Variants in TMEM165 observed in about 807,000 individuals in gnomAD.
The protein encoded by TMEM165 is transmembrane protein 165.
A neutral mutation model predicts 30.0 loss-of-function variants in TMEM165; 19 were observed. That is an observed-to-expected ratio of 0.63 (90% confidence interval 0.44 to 0.93). The LOEUF (loss-of-function observed/expected upper bound fraction) is 0.93, where lower values mean the gene tolerates loss of function less well. Ranked by LOEUF, TMEM165 falls within the 40% of genes least tolerant of loss-of-function variation. The pLI, the probability that TMEM165 is intolerant of heterozygous loss-of-function variation, is 0.00. For missense variants in TMEM165, 340 were observed against 417.0 expected, an observed-to-expected ratio of 0.82 and a Z score of 1.61; for synonymous variants, 168 against 162.9, an observed-to-expected ratio of 1.03 and a Z score of -0.24.
chr4:55,452,748 G>T (rs1724578773), exon 4 of TMEM165: 2 of 201,168 alleles, frequency 9.9e-6, no homozygotes, highest in Non-Finnish European at 2.0e-5. Flanking sequence ...TTACCTACCC[G>T]ATAAAAATAT....
At chr4:55,415,221 A>G (rs958279457) in intron 2 of TMEM165, 4 of 151,942 alleles carry the variant, frequency 2.6e-5, no homozygotes, top group Non-Finnish European at 4.4e-5. Context: ...TTCCTTTCCC[A>G]TTTGTTTGTC....
intron 3 of TMEM165, chr4:55,435,283 C>G (rs1722790708): frequency 1.9e-6 from 2 of 1,077,552 alleles, no homozygotes; most frequent in Non-Finnish European, 1.4e-6. Flanking sequence ...CCAACTAATT[C>G]CAGGAACTAG....
At chr4:55,448,614 G>C (rs541745689) in intron 3 of TMEM165, among the ~76,000 whole-genome samples, 1 of 118,998 alleles carries the variant, frequency 8.4e-6, no homozygotes, top group Non-Finnish European at 1.8e-5. Flanking sequence ...GTGTGTGTGT[G>C]TGTGTGTGTG....
downstream of TMEM165, chr4:55,427,826 A>AAGTC (rs1225545205): frequency 2.0e-5 from 3 of 152,206 alleles, no homozygotes; most frequent in African/African-American, 7.2e-5. Context: ...AATTTTTGGT[A>AAGTC]AGTCAGACCT....
intron 4 of TMEM165, among the ~76,000 whole-genome samples, chr4:55,419,134 C>T (rs550148491): frequency 6.6e-6 from 1 of 152,072 alleles, no homozygotes; most frequent in South Asian, 2.1e-4. Flanking sequence ...TCTATCGTTG[C>T]GTACTGCTAT....
chr4:55,407,081 A>G (rs2109534740), intron 1 of TMEM165, among the ~76,000 whole-genome samples: 1 of 152,238 alleles, frequency 6.6e-6, no homozygotes, highest in South Asian at 2.1e-4. Context: ...GGCCTCCCAT[A>G]CTCATTGCCC....
intron 3 of TMEM165, chr4:55,443,569 C>A: frequency 2.5e-6 from 2 of 808,840 alleles, no homozygotes; most frequent in Non-Finnish European, 4.2e-6. Context: ...ACTATACTTT[C>A]TAAATACTAT....
chr4:55,449,532 T>C (rs755017044), intron 3 of TMEM165: 3 of 1,496,180 alleles, frequency 2.0e-6, no homozygotes, highest in Non-Finnish European at 9.3e-7. Flanking sequence ...ATTAGTACTT[T>C]ATAAAATATA....
chr4:55,435,392 T>A (rs368550966), intron 3 of TMEM165: 123 of 1,611,758 alleles, frequency 7.6e-5, no homozygotes, highest in Non-Finnish European at 1.0e-4. Flanking sequence ...CCTCCCTTGA[T>A]GTCAAGAGAG....
At chr4:55,412,719 C>T (rs1216442231) in intron 2 of TMEM165, 2 of 152,042 alleles carry the variant, frequency 1.3e-5, no homozygotes, top group African/African-American at 4.8e-5. Flanking sequence ...ACCCCCACTG[C>T]TTCACTTTAT....
chr4:55,421,304 T>A (rs1334399604), intron 4 of TMEM165, among the ~76,000 whole-genome samples: 1 of 142,478 alleles, frequency 7.0e-6, no homozygotes, highest in African/African-American at 2.6e-5. Flanking sequence ...TTTCTTTTTT[T>A]TTTTTTTTTT....
At chr4:55,400,106 A>G (rs1720889465) in intron 1 of TMEM165, among the ~76,000 whole-genome samples, 1 of 140,050 alleles carries the variant, frequency 7.1e-6, no homozygotes, top group African/African-American at 2.6e-5. Flanking sequence ...TGGCCTGCCA[A>G]AGTGGTGGGA....
At chr4:55,424,829 A>C in intron 5 of TMEM165, 186 bp downstream of exon 5, 1 of 530,290 alleles carries the variant, frequency 1.9e-6, no homozygotes, top group South Asian at 2.7e-5. Flanking sequence ...TGTAGAAGTT[A>C]GCAAAATACA....
chr4:55,409,510 G>A (rs990444845), intron 1 of TMEM165, among the ~76,000 whole-genome samples: 1 of 152,138 alleles, frequency 6.6e-6, no homozygotes, highest in Admixed American at 6.5e-5. Context: ...AGCCCAGGGC[G>A]TCTCAGTCTG....
chr4:55,404,268 G>C (rs1171825901), intron 1 of TMEM165, among the ~76,000 whole-genome samples: 2 of 151,718 alleles, frequency 1.3e-5, no homozygotes, highest in Admixed American at 6.6e-5. Context: ...GTCCACCTCG[G>C]CCTCCCAAAG....
chr4:55,428,213 C>T (rs1420659845), downstream of TMEM165: 1 of 151,980 alleles, frequency 6.6e-6, no homozygotes, highest in African/African-American at 2.4e-5. Flanking sequence ...CACATCATAA[C>T]CTGGAATAAT....
chr4:55,411,261 C>T (rs984825804), intron 1 of TMEM165, among the ~76,000 whole-genome samples: 2 of 152,060 alleles, frequency 1.3e-5, no homozygotes, highest in Non-Finnish European at 2.9e-5. Context: ...AATCTAAAAT[C>T]CACAGTGCTC....
At chr4:55,419,730 T>G (rs1018578501) in intron 4 of TMEM165, among the ~76,000 whole-genome samples, 1 of 152,070 alleles carries the variant, frequency 6.6e-6, no homozygotes, top group African/African-American at 2.4e-5. Flanking sequence ...AGAGTAAAAT[T>G]GTTTCTAATT....
At chr4:55,453,277 T>A in exon 4 of TMEM165, 1 of 653,226 alleles carries the variant, frequency 1.5e-6, no homozygotes, top group South Asian at 2.1e-5. Context: ...ATACCTATAA[T>A]GTCTTAATTT....
Sources: gnomAD v4.1 joint callset for allele counts (sites outside exome capture counted in the v4.1 genomes callset) on GRCh38, gnomAD v4.1.1 for gene constraint, MANE v1.5 for transcripts, NCBI Gene and HGNC (gene_info 2026-07-23, HGNC 2026-07-21) for gene names.